Variants in EIF4G1 observed in about 807,000 individuals in gnomAD.
EIF4G1 encodes the protein eukaryotic translation initiation factor 4 gamma 1, also known as EIF4-gamma.
A neutral mutation model predicts 187.8 loss-of-function variants in EIF4G1; 4 were observed. That is an observed-to-expected ratio of 0.02 (90% confidence interval 0.01 to 0.05). The LOEUF is 0.05. Ranked by LOEUF, EIF4G1 falls within the 10% of genes least tolerant of loss-of-function variation. The pLI, the probability that EIF4G1 is intolerant of heterozygous loss-of-function variation, is 1.00. For synonymous variants in EIF4G1, 844 were observed against 781.4 expected (o/e 1.08, Z -1.34); for missense variants, 1,647 against 2,081.1 (o/e 0.79, Z 4.06).
chr3:184,327,106 G>T, intron 23 of EIF4G1, 110 bp from the exon 24 acceptor site: 2 of 1,563,396 alleles, frequency 1.3e-6, no homozygotes, highest in South Asian at 1.1e-5. Flanking sequence ...TTAGATTGGG[G>T]CATACTCATT....
At chr3:184,320,383 G>A in intron 7 of EIF4G1, 2 of 1,400,398 alleles carry the variant, frequency 1.4e-6, no homozygotes, top group East Asian at 2.8e-5. Context: ...GTAGGGATGA[G>A]GGAGGGAGGG....
In EIF4G1 at chr3:184,322,038, C is replaced by G. The variant is rs1199082511; in HGVS notation, c.1454C>G (p.Pro485Arg). ...ESEKGGEELLPPESTPIPANL... is the reference protein window; with the variant it reads ...ESEKGGEELLRPESTPIPANL... ...GAGAAAGGAGGAGAGGAACTGCTCC[C>G]CCCAGAGAGTACCCCTATTCCAGCC... The change falls in exon 10 of 33, where the codon CCC becomes CGC. Residue 485 changes from proline to arginine, a missense_variant. This residue lies in a region of EIF4G1 where 522 missense variants were observed against 485.2 expected (regional missense o/e 1.08). Transcript: ENST00000346169. 1.9e-6 allele frequency: 3 copies of G among 1,614,170 alleles called. No individual in the cohort carries two copies. Among genetic ancestry groups the G allele is most frequent in the Non-Finnish European group, 1.7e-6 (2 of 1,180,040 alleles).
chr3:184,322,007 G>A lies in EIF4G1; in HGVS notation c.1423G>A (p.Glu475Lys), dbSNP rs1396995547. 2 of 1,614,200 alleles carry A rather than the reference G, an allele frequency of 1.2e-6. No homozygotes were observed. Among genetic ancestry groups the A allele is most frequent in the Non-Finnish European group, 1.7e-6 (2 of 1,180,044 alleles). ...AGAAGCAGGAGAAGCAGGAGAAGCT[G>A]AGAGTGAGAAAGGAGGAGAGGAACT... ...EGEAGEAGEAESEKGGEELLP... is the reference protein window; with the variant it reads ...EGEAGEAGEAKSEKGGEELLP... Residue 475 changes from glutamate (E) to lysine (K), a missense_variant, in exon 10 of 33, where the codon GAG becomes AAG. Physicochemically the swap from Glu to Lys is moderately conservative, Grantham distance 56. Coordinates refer to ENST00000346169, the MANE Select transcript of EIF4G1 (RefSeq NM_198241.3).
chr3:184,316,603 TCTTC>T, intron 4 of EIF4G1: 1 of 1,066,242 alleles, frequency 9.4e-7, no homozygotes, highest in Non-Finnish European at 1.4e-6. Context: ...TTCCCCAGCT[TCTTC>T]CTTACTAAGT....
Position 184,334,728 on chromosome 3 carries a change from CCTG to C in EIF4G1, c.4625_4627del (p.Leu1542del). ...AACTGCTGTCCCGCCTGCTTGCAGACCTGCTGCGGATGTTCTTTGACGCACTGT... is the reference window on the plus strand; with the variant it reads ...AACTGCTGTCCCGCCTGCTTGCAGACCTGCGGATGTTCTTTGACGCACTGT... On this transcript the variant is annotated inframe_deletion and splice_region_variant, in exon 33 of 33. Transcript: ENST00000346169. The surrounding 1 kb of genome is among the most constrained non-coding windows in gnomAD (Gnocchi z 5.8). The C allele has an allele frequency of 6.2e-7, 1 of 1,614,168 alleles. No individual in the cohort carries two copies. The highest frequency in any genetic ancestry group is 8.5e-7 in the Non-Finnish European group (1 of 1,180,024).
rs147678593 is a variant in EIF4G1, at chr3:184,323,541, C to T, written c.2222C>T (p.Thr741Met). The change falls in exon 15 of 33, where the codon ACG becomes ATG. Residue 741 changes from threonine (T) to methionine (M), a missense_variant. By Grantham distance (81) the Thr-to-Met change is moderately conservative (BLOSUM62 -1). Around this residue, in one of 11 missense-constraint regions of EIF4G1, gnomAD observed 140 missense variants for 222.2 expected, o/e 0.63. Transcript: ENST00000346169. This position sits in a 1 kb window ranked among gnomAD's most constrained non-coding sequence, Gnocchi z 6.9. ...GCCTGGAAACCCAGCAGCAAGCGGA[C>T]GGCGGCTGATAAGGATCGAGGGGAA... ...EKAWKPSSKR[T>M]AADKDRGEED... The T allele has an allele frequency of 1.5e-4, 250 of 1,614,162 alleles. No homozygotes were observed. The African/African-American group carries it at 2.5e-3, about 16-fold the overall frequency.
chr3:184,315,118 C>T (rs1005402760), intron 1 of EIF4G1: 2 of 329,372 alleles, frequency 6.1e-6, no homozygotes, highest in Non-Finnish European at 1.2e-5. Flanking sequence ...GCGGTGGCGG[C>T]GGGCAGGGAG....
intron 13 of EIF4G1, 24 bp downstream of exon 13, chr3:184,322,978 G>T (rs867893395): frequency 3.7e-6 from 6 of 1,614,020 alleles, no homozygotes; most frequent in Middle Eastern, 1.6e-4. Flanking sequence ...GTTGGGGAGG[G>T]GACGATAAGT....
chr3:184,325,270 C>G lies in EIF4G1; in HGVS notation c.2858C>G (p.Pro953Arg). ...GKDLDFEKAK[P>R]RMDQYFNQME... The stretch of plus-strand genomic sequence containing the variant: ...GTCTGATGCCTTTCTCCTTCCTAGC[C>G]CCGAATGGATCAGTATTTCAACCAG... Residue 953 changes from proline to arginine, a missense_variant and splice_region_variant, in exon 19 of 33, where the codon CCC becomes CGC. Pro to Arg is a moderately radical substitution (Grantham distance 103). Coordinates refer to ENST00000346169, the MANE Select transcript of EIF4G1 (RefSeq NM_198241.3). The surrounding 1 kb of genome is among the most constrained non-coding windows in gnomAD (Gnocchi z 5.2). 2 of 1,614,106 alleles carry G rather than the reference C, an allele frequency of 1.2e-6. No homozygotes were observed. The highest frequency in any genetic ancestry group is 1.1e-5 in the South Asian group (1 of 91,074).
chr3:184,324,478 T>A, intron 17 of EIF4G1, 131 bp downstream of exon 17: 2 of 1,396,992 alleles, frequency 1.4e-6, no homozygotes, highest in African/African-American at 1.4e-5. Flanking sequence ...ACGTTTTTTT[T>A]CCTTTTTGAG....
intron 4 of EIF4G1, among the ~76,000 whole-genome samples, chr3:184,316,921 G>A (rs1195144474): frequency 6.6e-6 from 1 of 152,196 alleles, no homozygotes; most frequent in Admixed American, 6.5e-5. Flanking sequence ...TGGGGACTGG[G>A]ATGCTGTTGC....
chr3:184,321,625 T>C lies in EIF4G1; in HGVS notation c.1041T>C (p.Ala347=), dbSNP rs1723915728. The part of the protein sequence containing the change: ...ESEFSSSPLQ[A]PTPLASHTVE... ...AGTTTTCTTCCAGTCCTCTCCAGGC[T>C]CCCACCCCTTTGGCATCTCACACAG... is the stretch of plus-strand genomic sequence containing the variant. Residue 347 remains alanine, a synonymous_variant, in exon 10 of 33, where the codon GCT becomes GCC. Transcript: ENST00000346169. The C allele has an allele frequency of 6.2e-7, 1 of 1,612,868 alleles. No homozygotes were observed. The highest frequency in any genetic ancestry group is 8.5e-7 in the Non-Finnish European group (1 of 1,179,182).
chr3:184,317,650 T>G, intron 5 of EIF4G1, 67 bp from the exon 6 acceptor site: 2 of 1,543,192 alleles, frequency 1.3e-6, no homozygotes, highest in Non-Finnish European at 1.8e-6. Context: ...CTATGTTCTT[T>G]TTGGAGTCTG....
At chr3:184,331,634 G>A in intron 30 of EIF4G1, 28 bp downstream of exon 30, 2 of 659,278 alleles carry the variant, frequency 3.0e-6, no homozygotes, top group Non-Finnish European at 5.3e-6. Context: ...ATCGATAAAG[G>A]AAAGGTAGTT....
intron 28 of EIF4G1, among the ~76,000 whole-genome samples, chr3:184,330,355 G>A (rs1317894940): frequency 6.6e-6 from 1 of 152,074 alleles, no homozygotes. Flanking sequence ...CTCCAGCCTG[G>A]GCGACAGAGC....
At chr3:184,330,308 G>A (rs971445274) in intron 28 of EIF4G1, among the ~76,000 whole-genome samples, 1 of 152,292 alleles carries the variant, frequency 6.6e-6, no homozygotes, top group Middle Eastern at 3.4e-3. Flanking sequence ...GAACCCAGGA[G>A]GGGGAGGTTG....
intron 7 of EIF4G1, chr3:184,320,172 T>C (rs2108478882): frequency 6.8e-6 from 6 of 876,368 alleles, no homozygotes; most frequent in Admixed American, 4.1e-5. Context: ...CCGCCTCTGC[T>C]CAGTCCTCAA....
In EIF4G1 at chr3:184,320,152, C is replaced by T. The variant is rs1723634038; in HGVS notation, c.537+351C>T. 2.2e-5 allele frequency: 12 copies of T among 544,660 alleles called. No individual in the cohort carries two copies. The South Asian group carries it at 2.5e-4, about 12-fold the overall frequency. The allele number at this position is 544,660 out of a possible 1,614,324, so 33.7% of individuals were successfully genotyped here. On this transcript the variant is annotated intron_variant, in intron 7 of 32. Transcript: ENST00000346169. ...CCCTGCCCCCCCAGTCCTGGAAGCTCTCAAGGCCTCCGCCTCTGCTCAGTC... is the reference window on the plus strand; with the variant it reads ...CCCTGCCCCCCCAGTCCTGGAAGCTTTCAAGGCCTCCGCCTCTGCTCAGTC...
In EIF4G1 at chr3:184,327,025, C is replaced by G; in HGVS notation, c.3428+42C>G. ...ATCTTTGTTATTCACACTGGGGGTA[C>G]CGTGATTGGGTTCTGGTTGTTGCCA... On this transcript the variant is annotated intron_variant, in intron 23 of 32. Transcript: ENST00000346169. 5 of 1,611,642 alleles carry G rather than the reference C, an allele frequency of 3.1e-6. No individual in the cohort carries two copies. The South Asian group carries it at 4.4e-5, about 14-fold the overall frequency.
Sources: allele counts gnomAD v4.1 joint callset (sites outside exome capture counted in the v4.1 genomes callset), GRCh38; gene constraint gnomAD v4.1.1; regional missense constraint gnomAD v4.1.1; non-coding constraint Gnocchi (gnomAD v3.1); transcripts MANE v1.5; gene names NCBI Gene and HGNC (gene_info 2026-07-23, HGNC 2026-07-21).